ATG7: variants seen among roughly 807,000 people sequenced by gnomAD.
ATG7 encodes ubiquitin-like modifier-activating enzyme ATG7.
Under a neutral mutation model 82.4 loss-of-function variants are expected in ATG7, and 70 were observed. The observed-to-expected ratio is 0.85, with a 90% CI of 0.70 to 1.04. The LOEUF (loss-of-function observed/expected upper bound fraction) is 1.04. Among genes scored for constraint, ATG7 ranks in the 50% least tolerant of loss-of-function variants. ATG7 has a pLI of 0.00. For missense variants in ATG7, 792 were observed against 864.3 expected (o/e 0.92, Z 1.05); for synonymous variants, 287 against 313.0 (o/e 0.92, Z 0.88).
At chr3:11,448,242 AG>A in intron 20 of ATG7, among the ~76,000 whole-genome samples, 1 of 152,212 alleles carries the variant, frequency 6.6e-6, no homozygotes, top group East Asian at 1.9e-4. Context: ...ATTGGAGCAC[AG>A]TGCCTCCTCC....
intron 9 of ATG7, among the ~76,000 whole-genome samples, chr3:11,320,135 C>A (rs936242666): frequency 6.6e-6 from 1 of 152,072 alleles, no homozygotes; most frequent in Non-Finnish European, 1.5e-5. Flanking sequence ...GCCTGGAACT[C>A]TCTTCTCTCT....
intron 15 of ATG7, among the ~76,000 whole-genome samples, chr3:11,360,292 C>T (rs969053795): frequency 2.0e-5 from 3 of 152,148 alleles, no homozygotes; most frequent in Non-Finnish European, 2.9e-5. Flanking sequence ...ACAGTCTGCC[C>T]GCCTTGGCCT....
At chr3:11,569,333 G>A in the ATG7 span, among the ~76,000 whole-genome samples, 1 of 152,146 alleles carries the variant, frequency 6.6e-6, no homozygotes, top group African/African-American at 2.4e-5. Flanking sequence ...GACATTTTGA[G>A]GATACATTCT....
chr3:11,443,767 G>A (rs928920741), intron 20 of ATG7, among the ~76,000 whole-genome samples: 3 of 152,126 alleles, frequency 2.0e-5, no homozygotes, highest in African/African-American at 7.2e-5. Context: ...AAGTTAAAGT[G>A]ACAAAGATCA....
chr3:11,520,737 TTGGCTTGTCAGTAAC>T (rs1460664533), intron 20 of ATG7, among the ~76,000 whole-genome samples: 1 of 152,220 alleles, frequency 6.6e-6, no homozygotes, highest in Non-Finnish European at 1.5e-5. Context: ...GATCTGGGCC[TTGGCTTGTCAGTAAC>T]TGGCAATGTG....
Position 11,523,024 on chromosome 3 carries a change from C to G in ATG7, c.2080-31787C>G, listed in dbSNP as rs569051038. Among the ~76,000 whole-genome samples, 3 of 152,170 alleles carry G rather than the reference C, an allele frequency of 2.0e-5. No individual in the cohort carries two copies. In the East Asian group the frequency reaches 5.8e-4, roughly 29 times the overall value. The stretch of plus-strand genomic sequence containing the variant: ...ACCTTTTAGGGCTTTTCAGAGGTGC[C>G]GATGAAATAGCCTGTACTTTATAAA... On this transcript the variant is annotated intron_variant, in intron 20 of 20. Transcript: ENST00000693202.
intron 20 of ATG7, among the ~76,000 whole-genome samples, chr3:11,505,090 T>C (rs2091616794): frequency 6.6e-6 from 1 of 152,128 alleles, no homozygotes; most frequent in South Asian, 2.1e-4. Context: ...CTCTACGGAG[T>C]ATAGTATGGA....
At chr3:11,335,592 A>G (rs536371423) in intron 11 of ATG7, among the ~76,000 whole-genome samples, 21 of 152,272 alleles carry the variant, frequency 1.4e-4, no homozygotes, top group Non-Finnish European at 2.6e-4. Context: ...AATTCTGCCA[A>G]CCACTCTGCA....
At chr3:11,493,665 T>C (rs1395433464) in intron 20 of ATG7, among the ~76,000 whole-genome samples, 1 of 152,168 alleles carries the variant, frequency 6.6e-6, no homozygotes, top group Non-Finnish European at 1.5e-5. Context: ...AGTCTAAGCC[T>C]AACCAGGTAA....
intron 20 of ATG7, among the ~76,000 whole-genome samples, chr3:11,453,118 G>T (rs1369732101): frequency 6.6e-6 from 1 of 152,196 alleles, no homozygotes; most frequent in Non-Finnish European, 1.5e-5. Context: ...ACCCAAATTG[G>T]AAGATTGTAC....
chr3:11,280,652 G>C (rs561790007), intron 1 of ATG7, among the ~76,000 whole-genome samples: 2 of 152,214 alleles, frequency 1.3e-5, no homozygotes, highest in South Asian at 2.1e-4. Flanking sequence ...TTAGTCACTT[G>C]TATTGCCTGT....
chr3:11,378,656 G>A (rs1472406121), intron 18 of ATG7, among the ~76,000 whole-genome samples: 1 of 135,942 alleles, frequency 7.4e-6, no homozygotes, highest in Non-Finnish European at 1.5e-5. Flanking sequence ...CTGTACTCCA[G>A]CCTGGGCGAC....
At chr3:11,562,560 G>A (rs1159473566), downstream of ATG7, among the ~76,000 whole-genome samples, 1 of 152,236 alleles carries the variant, frequency 6.6e-6, no homozygotes, top group East Asian at 1.9e-4. Flanking sequence ...AAGAGACCTC[G>A]GAGCTGCTGG....
intron 19 of ATG7, among the ~76,000 whole-genome samples, chr3:11,393,723 C>T (rs2078997914): frequency 6.6e-6 from 1 of 151,972 alleles, no homozygotes; most frequent in Admixed American, 6.6e-5. Flanking sequence ...TTCGGTTGCC[C>T]AGGCTGGAGT....
At chr3:11,394,996 A>G (rs997832854) in intron 19 of ATG7, among the ~76,000 whole-genome samples, 13 of 152,238 alleles carry the variant, frequency 8.5e-5, no homozygotes, top group African/African-American at 2.7e-4. Context: ...GACATACACT[A>G]TGAAATACTA....
rs550343464 is a variant in ATG7 at position 11,526,598 on chromosome 3, A to G, written c.2080-28213A>G. On this transcript the variant is annotated intron_variant, in intron 20 of 20. Coordinates refer to ENST00000693202, the MANE Select transcript of ATG7 (RefSeq NM_001349232.2). ...GATTTTTGTATGTTGATTATATTCC[A>G]CCAGCATTGTTGACCTATCTTGTTA... Among the ~76,000 whole-genome samples the G allele has an allele frequency of 5.9e-5, 9 of 152,338 alleles. No homozygotes were observed. In the South Asian group the frequency reaches 1.4e-3, roughly 25 times the overall value.
chr3:11,575,052 C>T, the ATG7 span, among the ~76,000 whole-genome samples: 2 of 152,148 alleles, frequency 1.3e-5, no homozygotes, highest in Admixed American at 6.5e-5. Context: ...TCTTCTTCAA[C>T]GCTCGTGCCA....
intron 5 of ATG7, among the ~76,000 whole-genome samples, chr3:11,304,311 A>G (rs1273456306): frequency 6.6e-6 from 1 of 152,184 alleles, no homozygotes; most frequent in Admixed American, 6.5e-5. Context: ...ATAACTGCCT[A>G]ATTGAATTAC....
intron 20 of ATG7, among the ~76,000 whole-genome samples, chr3:11,479,286 G>A (rs529084956): frequency 6.6e-6 from 1 of 152,274 alleles, no homozygotes; most frequent in Admixed American, 6.5e-5. Flanking sequence ...TTCTTTAGGT[G>A]AACTGAGTTT....
Sources: gnomAD v4.1 joint callset for allele counts (sites outside exome capture counted in the v4.1 genomes callset) on GRCh38, gnomAD v4.1.1 for gene constraint, MANE v1.5 for transcripts, NCBI Gene and HGNC (gene_info 2026-07-23, HGNC 2026-07-21) for gene names.